NID1: variants seen among roughly 807,000 people sequenced by gnomAD.
NID1 encodes the protein nidogen 1, also known as nidogen-1.
In NID1, 76 loss-of-function variants were observed where a neutral mutation model predicts 130.6. The observed-to-expected ratio is 0.58, with a 90% confidence interval of 0.48 to 0.70. The LOEUF is 0.70. Ranked by LOEUF, NID1 falls within the 30% of genes least tolerant of loss-of-function variation. NID1 has a pLI of 0.00. For missense variants in NID1, 1,517 were observed against 1,664.8 expected (o/e 0.91, Z 1.54); for synonymous variants, 665 against 675.1 (o/e 0.98, Z 0.23).
At chr1:236,057,499 G>A (rs59439159) in intron 1 of NID1, among the ~76,000 whole-genome samples, 6,057 of 152,048 alleles carry the variant, frequency 0.04, 378 homozygotes, top group African/African-American at 0.14. Context: ...GGAGGCTGAG[G>A]CGGGCGGATC....
Position 236,032,608 on chromosome 1 carries a change from C to T in NID1, c.1330G>A (p.Val444Met). 6.2e-7 allele frequency: 1 copy of T among 1,614,174 alleles called. No homozygotes were observed. Among genetic ancestry groups the T allele is most frequent in the Non-Finnish European group, 8.5e-7 (1 of 1,180,030 alleles). The change falls in exon 6 of 20, where the codon GTG becomes ATG. Residue 444 changes from valine (V) to methionine (M), a missense_variant. Val to Met is a conservative substitution (Grantham distance 21, BLOSUM62 1). Transcript: ENST00000264187. Reference protein sequence around the residue: ...VNGKVKGRIFVGSSQVPIVFE... With the variant: ...VNGKVKGRIFMGSSQVPIVFE... ...ACAATGGGGACCTGGCTGCTCCCCA[C>T]AAAGATCCTTCCTTTCACCTTGCCA... is the stretch of plus-strand genomic sequence containing the variant.
At chr1:236,020,219 G>A (rs1360998692) in intron 9 of NID1, among the ~76,000 whole-genome samples, 1 of 152,122 alleles carries the variant, frequency 6.6e-6, no homozygotes, top group African/African-American at 2.4e-5. Context: ...TCTCTGGAAA[G>A]AGATTTCCTT....
intron 1 of NID1, chr1:236,060,829 A>T (rs1171310981): frequency 6.6e-6 from 1 of 152,142 alleles, no homozygotes; most frequent in Non-Finnish European, 1.5e-5. Context: ...CTATCAAAGA[A>T]GTAGCCCTTG....
intron 12 of NID1, among the ~76,000 whole-genome samples, chr1:236,009,688 T>C (rs1301262158): frequency 6.6e-6 from 1 of 152,264 alleles, no homozygotes; most frequent in East Asian, 1.9e-4. Flanking sequence ...CCCTGAACTC[T>C]AGTTCATTCA....
At chr1:236,009,806 A>G (rs1040401694) in intron 12 of NID1, among the ~76,000 whole-genome samples, 3 of 152,226 alleles carry the variant, frequency 2.0e-5, no homozygotes, top group African/African-American at 4.8e-5. Context: ...ACAAAACTCA[A>G]TGAACATTCT....
In NID1 at chr1:236,048,877, G is replaced by A. The variant is rs765021925; in HGVS notation, c.338C>T (p.Thr113Met). 9.3e-6 allele frequency: 15 copies of A among 1,614,066 alleles called. No homozygotes were observed. The highest frequency in any genetic ancestry group is 3.3e-5 in the South Asian group (3 of 91,038). Residue 113 changes from threonine (T) to methionine (M), a missense_variant, in exon 2 of 20, where the codon ACG (threonine) becomes ATG (methionine). Coordinates refer to ENST00000264187, the MANE Select transcript of NID1 (RefSeq NM_002508.3). ...ATAAACCTTCCCCAGGCCATCGGTCGTGTCCAAGTCCGCCAGGAAAGGGGC... is the reference window on the plus strand; with the variant it reads ...ATAAACCTTCCCCAGGCCATCGGTCATGTCCAAGTCCGCCAGGAAAGGGGC... Reference protein sequence around the residue: ...AVAPFLADLDTTDGLGKVYYR... With the variant: ...AVAPFLADLDMTDGLGKVYYR...
chr1:235,977,657 G>A lies in NID1; in HGVS notation c.*210C>T. On this transcript the variant is annotated 3_prime_UTR_variant, in exon 20 of 20. Coordinates refer to ENST00000264187, the MANE Select transcript of NID1 (RefSeq NM_002508.3). ...GTTGGGGGTAGGGGTGGAGGGTTCT[G>A]TCCTTGTGTAGGGGTGGAGACTTTT... is the stretch of plus-strand genomic sequence containing the variant. 1 of 552,658 alleles carries A rather than the reference G, an allele frequency of 1.8e-6. No homozygotes were observed. The highest frequency in any genetic ancestry group is 1.9e-5 in the African/African-American group (1 of 52,750). 34.2% of individuals were successfully genotyped at this position (552,658 alleles called of 1,614,324 possible). A position where few individuals can be genotyped will look rare whatever the true frequency, so the allele number is the denominator to read the frequency against.
intron 5 of NID1, among the ~76,000 whole-genome samples, chr1:236,036,890 AT>A (rs1014688000): frequency 9.9e-5 from 15 of 152,006 alleles, no homozygotes; most frequent in South Asian, 4.2e-4. Flanking sequence ...TAAGAAATAA[AT>A]TTTTTTTCTT....
chr1:236,010,512 G>A (rs377432898), intron 12 of NID1, among the ~76,000 whole-genome samples: 5 of 151,864 alleles, frequency 3.3e-5, no homozygotes, highest in Admixed American at 1.3e-4. Context: ...TGCCCAGGCC[G>A]GTCTCTCAAA....
intron 12 of NID1, among the ~76,000 whole-genome samples, chr1:235,997,601 CTTTTTT>C (rs11325487): frequency 7.8e-6 from 1 of 127,602 alleles, no homozygotes; most frequent in Non-Finnish European, 1.6e-5. Flanking sequence ...AGTTCCATTA[CTTTTTT>C]TTTTTTTTTT....
rs767543446 is a variant in NID1, at chr1:235,977,858, CTCTTG to C, written c.*4_*8del. The C allele has an allele frequency of 6.2e-7, 1 of 1,613,634 alleles. No homozygotes were observed. Among genetic ancestry groups the C allele is most frequent in the Non-Finnish European group, 8.5e-7 (1 of 1,179,806 alleles). On this transcript the variant is annotated 3_prime_UTR_variant, in exon 20 of 20. Coordinates refer to ENST00000264187, the MANE Select transcript of NID1 (RefSeq NM_002508.3). ...AAATACTTGGAAAGGAAATAAGGCA[CTCTTG>C]TCTTCATTTCTGTTCGATACAGTCA...
intron 9 of NID1, among the ~76,000 whole-genome samples, chr1:236,019,846 A>G (rs1178306559): frequency 6.6e-6 from 1 of 152,090 alleles, no homozygotes; most frequent in East Asian, 1.9e-4. Flanking sequence ...GTTCGAGACC[A>G]GCCTGACCAA....
chr1:236,055,433 G>C (rs1054996240), intron 1 of NID1, among the ~76,000 whole-genome samples: 23 of 152,048 alleles, frequency 1.5e-4, no homozygotes, highest in African/African-American at 5.3e-4. Context: ...TGGATACATG[G>C]GAGTTCATTA....
rs1391925443 is a variant in NID1 at position 235,981,634 on chromosome 1, G to T, written c.3204C>A (p.Gly1068=). 1 of 1,613,190 alleles carries T rather than the reference G, an allele frequency of 6.2e-7. No homozygotes were observed. Among genetic ancestry groups the T allele is most frequent in the South Asian group, 1.1e-5 (1 of 90,816 alleles). Residue 1068 remains glycine (G), a synonymous_variant, in exon 16 of 20, where the codon GGC becomes GGA. Coordinates refer to ENST00000264187, the MANE Select transcript of NID1 (RefSeq NM_002508.3). ...LFETDLVNPR[G]IVTDSVRGNL... ...ACCCTCTCACGGAATCCGTTACAAT[G>T]CCTCTGGGATTCACCAAGTCAGTCT... is the stretch of plus-strand genomic sequence containing the variant.
At chr1:235,996,547 C>A (rs1344997204) in intron 12 of NID1, among the ~76,000 whole-genome samples, 1 of 151,814 alleles carries the variant, frequency 6.6e-6, no homozygotes, top group Non-Finnish European at 1.5e-5. Flanking sequence ...GCTCAAGCAA[C>A]CCTCCCACCT....
In NID1 at chr1:235,979,731, G is replaced by A; in HGVS notation, c.3509+91C>T. On this transcript the variant is annotated intron_variant, in intron 18 of 19. Coordinates refer to ENST00000264187, the MANE Select transcript of NID1 (RefSeq NM_002508.3). This position sits in a 1 kb window ranked among gnomAD's most constrained non-coding sequence, Gnocchi z 4.6. ...GCATTTCTGGAGGCTCAAAAGTCAA[G>A]CCAAGAGGCCAGATGGGAAGGGCCT... 1 of 1,490,196 alleles carries A rather than the reference G, an allele frequency of 6.7e-7. No individual in the cohort carries two copies. The highest frequency in any genetic ancestry group is 9.3e-7 in the Non-Finnish European group (1 of 1,079,868). The allele number at this position is 1,490,196 out of a possible 1,614,324, so 92.3% of individuals were successfully genotyped here. A position where few individuals can be genotyped will look rare whatever the true frequency, so the allele number is the denominator to read the frequency against.
intron 1 of NID1, among the ~76,000 whole-genome samples, chr1:236,060,098 CAAAAAA>C (rs773686621): frequency 2.0e-5 from 1 of 50,976 alleles, no homozygotes; most frequent in Non-Finnish European, 4.3e-5. Flanking sequence ...GACTCAGTCT[CAAAAAA>C]AAAAAAAAAA....
chr1:236,003,780 G>A (rs1473421327), intron 12 of NID1, among the ~76,000 whole-genome samples: 3 of 152,170 alleles, frequency 2.0e-5, no homozygotes, highest in Non-Finnish European at 4.4e-5. Context: ...TGAGGTGGGA[G>A]GATTGCTTGA....
chr1:236,025,420 C>T (rs1264376984), intron 8 of NID1, among the ~76,000 whole-genome samples: 1 of 151,864 alleles, frequency 6.6e-6, no homozygotes, highest in African/African-American at 2.4e-5. Context: ...TGCCATCATG[C>T]CTGGCTAATT....
Sources: gnomAD v4.1 joint callset for allele counts (sites outside exome capture counted in the v4.1 genomes callset) on GRCh38, gnomAD v4.1.1 for gene constraint, Gnocchi (gnomAD v3.1) non-coding constraint, MANE v1.5 for transcripts, NCBI Gene and HGNC (gene_info 2026-07-23, HGNC 2026-07-21) for gene names.